FLT1: variants seen among roughly 807,000 people sequenced by gnomAD.
The protein encoded by FLT1 is fms related receptor tyrosine kinase 1.
Under a neutral mutation model 156.3 loss-of-function variants are expected in FLT1, and 49 were observed. The observed-to-expected ratio is 0.31, with a 90% CI of 0.25 to 0.40. The LOEUF is 0.40. FLT1 is among the 10% of genes least tolerant of loss of function. The pLI, the probability that FLT1 is intolerant of heterozygous loss-of-function variation, is 1.00. For missense variants in FLT1, 1,322 were observed against 1,637.2 expected (o/e 0.81, Z 3.32); for synonymous variants, 594 against 583.8 (o/e 1.02, Z -0.25).
At chr13:28,434,255 A>G (rs752500445) in intron 4 of FLT1, 35 bp from the exon 5 acceptor site, 7 of 1,600,290 alleles carry the variant, frequency 4.4e-6, no homozygotes, top group African/African-American at 1.3e-5. Flanking sequence ...ACAAGGTCCT[A>G]TTAGCACTGG....
intron 3 of FLT1, among the ~76,000 whole-genome samples, chr13:28,456,916 T>C (rs939581374): frequency 2.0e-5 from 3 of 152,186 alleles, no homozygotes; most frequent in Non-Finnish European, 4.4e-5. Flanking sequence ...TATGGTACTA[T>C]AATAGTGGAT....
chr13:28,385,429 C>T (rs2137450377), intron 13 of FLT1: 1 of 675,252 alleles, frequency 1.5e-6, no homozygotes, highest in Non-Finnish European at 1.9e-6. Context: ...ATATATAGTG[C>T]TGTAGTGATA....
intron 1 of FLT1, among the ~76,000 whole-genome samples, chr13:28,471,275 G>A (rs1880161351): frequency 6.6e-6 from 1 of 152,188 alleles, no homozygotes; most frequent in African/African-American, 2.4e-5. Context: ...GACTTTGAGT[G>A]CATCACTATC....
chr13:28,379,023 G>T (rs570542640), intron 14 of FLT1, among the ~76,000 whole-genome samples: 98 of 152,272 alleles, frequency 6.4e-4, no homozygotes, highest in Non-Finnish European at 1.2e-3. Flanking sequence ...TTCCCTGGAA[G>T]GTGAGAGAAG....
At chr13:28,482,124 T>C (rs1880887946) in intron 1 of FLT1, among the ~76,000 whole-genome samples, 1 of 152,236 alleles carries the variant, frequency 6.6e-6, no homozygotes, top group Non-Finnish European at 1.5e-5. Flanking sequence ...TTAAATTTAA[T>C]ATGGCTCATG....
At chr13:28,313,210 C>A (rs1237261695) in intron 25 of FLT1, among the ~76,000 whole-genome samples, 2 of 152,078 alleles carry the variant, frequency 1.3e-5, no homozygotes, top group Non-Finnish European at 2.9e-5. Context: ...AACTCCTGGC[C>A]TCAATTGATT....
At chr13:28,455,363 A>G (rs1412270385) in intron 3 of FLT1, among the ~76,000 whole-genome samples, 1 of 152,250 alleles carries the variant, frequency 6.6e-6, no homozygotes. Flanking sequence ...CAGTCAACTG[A>G]TCTTTGACAA....
At chr13:28,355,754 G>T (rs1311852540) in intron 15 of FLT1, among the ~76,000 whole-genome samples, 3 of 152,196 alleles carry the variant, frequency 2.0e-5, no homozygotes, top group African/African-American at 7.2e-5. Flanking sequence ...CAATCTGGAA[G>T]GCCCCACGGT....
At chr13:28,385,088 TATGCATATC>T in intron 13 of FLT1, 57 bp from the exon 14 acceptor site, 1 of 1,543,914 alleles carries the variant, frequency 6.5e-7, no homozygotes, top group Non-Finnish European at 9.0e-7. Context: ...TTGTATTGTC[TATGCATATC>T]AACATTTAAA....
Position 28,427,743 on chromosome 13 carries a change from C to T in FLT1, c.1276+9G>A. The T allele has an allele frequency of 6.2e-7, 1 of 1,612,806 alleles. No homozygotes were observed. The highest frequency in any genetic ancestry group is 8.5e-7 in the Non-Finnish European group (1 of 1,178,870). On this transcript the variant is annotated intron_variant, in intron 9 of 29. Coordinates refer to ENST00000282397, the MANE Select transcript of FLT1 (RefSeq NM_002019.4). The stretch of plus-strand genomic sequence containing the variant: ...CAGAACCAGAAGAAAGTATGAACAG[C>T]AAACTTACCATTGACAATTAGAGTG...
chr13:28,424,045 G>T (rs34902333), intron 10 of FLT1, among the ~76,000 whole-genome samples: 1 of 151,770 alleles, frequency 6.6e-6, no homozygotes, highest in East Asian at 1.9e-4. Flanking sequence ...CCACCTCCCA[G>T]GTTCAAGCAA....
At chr13:28,412,419 C>T (rs545837808) in intron 10 of FLT1, among the ~76,000 whole-genome samples, 273 of 33,592 alleles carry the variant, frequency 8.1e-3, no homozygotes, top group Non-Finnish European at 0.01. Flanking sequence ...TTCTCTTTCT[C>T]TCTCTCTTTC....
At chr13:28,384,492 AATCTACTTTTCTGAACTT>A (rs1874236527) in intron 14 of FLT1, among the ~76,000 whole-genome samples, 1 of 151,976 alleles carries the variant, frequency 6.6e-6, no homozygotes, top group Non-Finnish European at 1.5e-5. Flanking sequence ...CGAGATTATA[AATCTACTTTTCTGAACTT>A]CACATATGCC....
chr13:28,321,000 G>A (rs922246241), intron 23 of FLT1, among the ~76,000 whole-genome samples: 1 of 152,146 alleles, frequency 6.6e-6, no homozygotes, highest in African/African-American at 2.4e-5. Flanking sequence ...GGCCATGGGA[G>A]GTAAACAGTC....
intron 28 of FLT1, 23 bp downstream of exon 28, chr13:28,308,820 G>C (rs762770891): frequency 6.8e-7 from 1 of 1,476,662 alleles, no homozygotes. Flanking sequence ...GGGTGCACTA[G>C]GTACCTTAAC....
At chr13:28,448,016 A>G (rs578158538) in intron 3 of FLT1, among the ~76,000 whole-genome samples, 24 of 152,358 alleles carry the variant, frequency 1.6e-4, no homozygotes, top group Admixed American at 5.2e-4. Flanking sequence ...AAGATACTTA[A>G]CATCATAAGC....
At chr13:28,330,173 G>T (rs1377662251) in intron 18 of FLT1, among the ~76,000 whole-genome samples, 1 of 152,304 alleles carries the variant, frequency 6.6e-6, no homozygotes, top group Admixed American at 6.5e-5. Context: ...GGGCAGAATG[G>T]CTACTGTTGT....
rs1870762633 is a variant in FLT1 at position 28,306,666 on chromosome 13, C to A, written c.3815+12G>T. The A allele has an allele frequency of 6.3e-7, 1 of 1,592,026 alleles. No homozygotes were observed. The highest frequency in any genetic ancestry group is 8.6e-7 in the Non-Finnish European group (1 of 1,159,966). ...CCATCAACTGATCACAGAAAAGATA[C>A]CCAATTCTTACTCAATCTTGAGCGA... On this transcript the variant is annotated intron_variant, in intron 29 of 29. Transcript: ENST00000282397.
chr13:28,316,638 C>CTTTTT (rs572382294), intron 25 of FLT1, among the ~76,000 whole-genome samples: 2 of 134,688 alleles, frequency 1.5e-5, no homozygotes, highest in African/African-American at 2.7e-5. Flanking sequence ...CTAAAAGGTT[C>CTTTTT]TTTTTTTTTT....
Sources: allele counts gnomAD v4.1 joint callset (sites outside exome capture counted in the v4.1 genomes callset), GRCh38; gene constraint gnomAD v4.1.1; transcripts MANE v1.5; gene names NCBI Gene and HGNC (gene_info 2026-07-23, HGNC 2026-07-21).